Variants in PLCG2 observed in about 807,000 individuals in gnomAD.
PLCG2 encodes 1-phosphatidylinositol 4,5-bisphosphate phosphodiesterase gamma-2.
A neutral mutation model predicts 175.6 loss-of-function variants in PLCG2; 69 were observed. That is an observed-to-expected ratio of 0.39 (90% CI 0.32 to 0.48). The LOEUF (loss-of-function observed/expected upper bound fraction) is 0.48. Ranked by LOEUF, PLCG2 falls within the 20% of genes least tolerant of loss-of-function variation. PLCG2 has a pLI of 0.91. For synonymous variants in PLCG2, 827 were observed against 624.0 expected (o/e 1.33, Z -4.85); for missense variants, 1,798 against 1,650.9 (o/e 1.09, Z -1.54).
At chr16:81,916,894 T>C (rs1389568738) in intron 19 of PLCG2, among the ~76,000 whole-genome samples, 2 of 152,176 alleles carry the variant, frequency 1.3e-5, no homozygotes, top group Non-Finnish European at 2.9e-5. Context: ...CTCCTTGGCC[T>C]CCCAAAGTGC....
chr16:81,929,391 TTCA>T (rs1910407562), intron 24 of PLCG2, among the ~76,000 whole-genome samples: 1 of 152,174 alleles, frequency 6.6e-6, no homozygotes, highest in Non-Finnish European at 1.5e-5. Context: ...TACACATTCA[TTCA>T]TTTATTATTA....
intron 13 of PLCG2, among the ~76,000 whole-genome samples, chr16:81,899,385 A>G (rs2143626569): frequency 6.6e-6 from 1 of 151,978 alleles, no homozygotes; most frequent in Non-Finnish European, 1.5e-5. Flanking sequence ...ACACGTTCAC[A>G]TGATATAGAA....
At chr16:81,947,751 T>A (rs922043352) in intron 31 of PLCG2, among the ~76,000 whole-genome samples, 2 of 152,240 alleles carry the variant, frequency 1.3e-5, no homozygotes, top group Non-Finnish European at 2.9e-5. Context: ...TTTACTTTGC[T>A]AGCAGTATGT....
In PLCG2 at chr16:81,895,008, T is replaced by G. The variant is rs932519019; in HGVS notation, c.1073-799T>G. 3.3e-5 allele frequency among the ~76,000 whole-genome samples: 5 copies of G among 152,370 alleles called. No homozygotes were observed. In the East Asian group the frequency reaches 5.8e-4, roughly 18 times the overall value. ...TTACTCTATAGACTTTCTTCCCGTT[T>G]ATGATTTTTCTCCTCCCTCAGGAAA... On this transcript the variant is annotated intron_variant, in intron 12 of 32. Coordinates refer to ENST00000564138, the MANE Select transcript of PLCG2 (RefSeq NM_002661.5).
chr16:81,882,335 C>T (rs1908124709), intron 8 of PLCG2, among the ~76,000 whole-genome samples: 1 of 152,142 alleles, frequency 6.6e-6, no homozygotes, highest in African/African-American at 2.4e-5. Context: ...TACCTAACCT[C>T]TGCTTGGTCC....
intron 17 of PLCG2, among the ~76,000 whole-genome samples, chr16:81,909,261 C>G (rs1165824930): frequency 6.6e-6 from 1 of 152,094 alleles, no homozygotes; most frequent in African/African-American, 2.4e-5. Flanking sequence ...AACAAGGCAA[C>G]ATAAAGGGAC....
chr16:81,862,965 C>A (rs1221547598), intron 5 of PLCG2, among the ~76,000 whole-genome samples: 3 of 152,114 alleles, frequency 2.0e-5, no homozygotes, highest in Non-Finnish European at 2.9e-5. Context: ...ATCTTCCCTT[C>A]CCCACCCTGA....
intron 26 of PLCG2, chr16:81,935,745 C>A (rs141438413): frequency 1.0e-6 from 1 of 985,262 alleles, no homozygotes; most frequent in African/African-American, 1.7e-5. Flanking sequence ...CATTGCAACC[C>A]TACCTGTGGG....
chr16:81,838,903 C>T (rs1011877578), intron 2 of PLCG2, among the ~76,000 whole-genome samples: 13 of 151,782 alleles, frequency 8.6e-5, no homozygotes, highest in South Asian at 2.1e-4. Context: ...CCTCGGGTCC[C>T]GGTGACCCAG....
chr16:81,859,258 A>G (rs2143491262), intron 5 of PLCG2, 95 bp downstream of exon 5: 2 of 803,454 alleles, frequency 2.5e-6, no homozygotes, highest in Non-Finnish European at 2.2e-6. Context: ...ACTTGTCGGG[A>G]GCAAGGTCCT....
At chr16:81,756,593 C>T (rs192777928) in intron 2 of PLCG2, among the ~76,000 whole-genome samples, 218 of 152,204 alleles carry the variant, frequency 1.4e-3, no homozygotes, top group Middle Eastern at 0.01. Flanking sequence ...AGGCCAGGCA[C>T]AGAGGTGGTG....
intron 13 of PLCG2, among the ~76,000 whole-genome samples, chr16:81,896,769 G>A (rs1388443480): frequency 2.6e-5 from 4 of 152,320 alleles, no homozygotes; most frequent in South Asian, 4.1e-4. Flanking sequence ...GCCAGGCTCT[G>A]TGCTAGGTTC....
At chr16:81,780,431 A>T (rs1357555486) in intron 1 of PLCG2, among the ~76,000 whole-genome samples, 1 of 152,182 alleles carries the variant, frequency 6.6e-6, no homozygotes, top group Non-Finnish European at 1.5e-5. Context: ...TCTCTGGGGC[A>T]TGGGCCCTCG....
chr16:81,851,563 A>G (rs750320027), intron 2 of PLCG2, among the ~76,000 whole-genome samples: 6 of 151,974 alleles, frequency 3.9e-5, no homozygotes, highest in Non-Finnish European at 7.4e-5. Context: ...CCCAGGCTGG[A>G]GTGCAGTGGC....
In PLCG2 at chr16:81,893,061, A is replaced by T. The variant is rs559544781; in HGVS notation, c.987-648A>T. Among the ~76,000 whole-genome samples the T allele has an allele frequency of 8.5e-5, 13 of 152,156 alleles. No homozygotes were observed. The East Asian group carries it at 2.3e-3, about 27-fold the overall frequency. ...TTTTTAGTAGAGACAGAATTTCACT[A>T]TGTTGGCCAGGCTGGTCTTGAACAC... On this transcript the variant is annotated intron_variant, in intron 11 of 32. Coordinates refer to ENST00000564138, the MANE Select transcript of PLCG2 (RefSeq NM_002661.5).
chr16:81,774,177 CAAAAAAAA>C (rs57503150), intron 2 of PLCG2, among the ~76,000 whole-genome samples: 8 of 40,546 alleles, frequency 2.0e-4, no homozygotes, highest in Non-Finnish European at 2.8e-4. Flanking sequence ...ACTAAAAATA[CAAAAAAAA>C]AAAAAAAAAA....
At chr16:81,890,627 A>T (rs1908586366) in intron 10 of PLCG2, among the ~76,000 whole-genome samples, 1 of 152,174 alleles carries the variant, frequency 6.6e-6, no homozygotes, top group Non-Finnish European at 1.5e-5. Context: ...TGCTGGTCAG[A>T]ATGGTTGCCT....
chr16:81,952,468 G>A (rs1188676632), intron 31 of PLCG2, among the ~76,000 whole-genome samples: 2 of 151,974 alleles, frequency 1.3e-5, no homozygotes, highest in East Asian at 3.9e-4. Context: ...TTCCAGACAT[G>A]GGATAAATAA....
chr16:81,816,651 ATTTTTTT>A lies in PLCG2; in HGVS notation c.193+30493_193+30499del, dbSNP rs71146047. The stretch of plus-strand genomic sequence containing the variant: ...GCACCACCATGCCCAGCTAATTTTA[ATTTTTTT>A]TTTTTTTTTTTTTTTTTTTTTTTAG... On this transcript the variant is annotated intron_variant, in intron 2 of 32. Coordinates refer to ENST00000564138, the MANE Select transcript of PLCG2 (RefSeq NM_002661.5). Among the ~76,000 whole-genome samples, 34 of 108,878 alleles carry A rather than the reference ATTTTTTT, an allele frequency of 3.1e-4. 2 individuals carry two copies. The highest frequency in any genetic ancestry group is 5.3e-4 in the African/African-American group (14 of 26,502). 71.4% of individuals were successfully genotyped at this position (108,878 alleles called of 152,430 possible). A position where few individuals can be genotyped will look rare whatever the true frequency, so the allele number is the denominator to read the frequency against.
Sources: allele counts gnomAD v4.1 joint callset (sites outside exome capture counted in the v4.1 genomes callset), GRCh38; gene constraint gnomAD v4.1.1; transcripts MANE v1.5; gene names NCBI Gene and HGNC (gene_info 2026-07-23, HGNC 2026-07-21).